MYO1C: variants seen among roughly 807,000 people sequenced by gnomAD.
The protein encoded by MYO1C is unconventional myosin-Ic.
A neutral mutation model predicts 150.8 loss-of-function variants in MYO1C; 104 were observed. The observed-to-expected ratio is 0.69, with a 90% CI of 0.59 to 0.81. The LOEUF (loss-of-function observed/expected upper bound fraction) is 0.81, where lower values mean the gene tolerates loss of function less well. Among genes scored for constraint, MYO1C ranks in the 30% least tolerant of loss-of-function variants. The pLI is 0.00. For synonymous variants in MYO1C, 663 were observed against 579.9 expected, an observed-to-expected ratio of 1.14 and a Z score of -2.06; for missense variants, 1,504 against 1,435.0, an observed-to-expected ratio of 1.05 and a Z score of -0.78.
In MYO1C at chr17:1,470,765, G is replaced by A. The variant is rs569424601; in HGVS notation, c.2213-76C>T. On this transcript the variant is annotated intron_variant, in intron 21 of 31. Transcript: ENST00000648651. Reference sequence around the variant, plus strand: ...GAGCCTGGTGCCGTGTGCGCTCCACGAGTGGCATGAATGGGAGAGTGGCTG... The same window carrying A: ...GAGCCTGGTGCCGTGTGCGCTCCACAAGTGGCATGAATGGGAGAGTGGCTG... 26 of 1,445,302 alleles carry A rather than the reference G, an allele frequency of 1.8e-5. No homozygotes were observed. The East Asian group carries it at 4.5e-4, about 25-fold the overall frequency. The allele number at this position is 1,445,302 out of a possible 1,614,324, so 89.5% of individuals were successfully genotyped here. A position where few individuals can be genotyped will look rare whatever the true frequency, so the allele number is the denominator to read the frequency against.
At chr17:1,489,913 G>C (rs971664069) in intron 1 of MYO1C, among the ~76,000 whole-genome samples, 2 of 151,098 alleles carry the variant, frequency 1.3e-5, no homozygotes, top group Non-Finnish European at 2.9e-5. Flanking sequence ...GGTGGCACAC[G>C]CTTGTAATCC....
intron 14 of MYO1C, 73 bp from the exon 15 acceptor site, chr17:1,475,105 C>G: frequency 4.1e-6 from 6 of 1,471,330 alleles, no homozygotes; most frequent in Non-Finnish European, 5.6e-6. Flanking sequence ...GAAAGGGCCT[C>G]AGGAGCAGGA....
At chr17:1,466,888 A>G (rs1386469779) in intron 31 of MYO1C, among the ~76,000 whole-genome samples, 1 of 152,000 alleles carries the variant, frequency 6.6e-6, no homozygotes, top group Non-Finnish European at 1.5e-5. Context: ...CGGCCTCCCA[A>G]AGTGCTGGGA....
At chr17:1,468,927 G>A (rs1362308061) in intron 25 of MYO1C, 4 of 301,600 alleles carry the variant, frequency 1.3e-5, no homozygotes, top group Admixed American at 4.7e-5. Context: ...ATCACCAATC[G>A]ACCCGAGTGA....
Position 1,491,800 on chromosome 17 carries a change from G to A in MYO1C, c.75+613C>T, listed in dbSNP as rs1052714029. ...GGCCGCGTCCGCGAAGCCTCGGTGCGTGCGGCCCCCGCCTCGGCCCGTTCC... is the reference window on the plus strand; with the variant it reads ...GGCCGCGTCCGCGAAGCCTCGGTGCATGCGGCCCCCGCCTCGGCCCGTTCC... On this transcript the variant is annotated intron_variant, in intron 1 of 31. Coordinates refer to ENST00000648651, the MANE Select transcript of MYO1C (RefSeq NM_001080779.2). The A allele has an allele frequency of 2.0e-3, 704 of 346,818 alleles. 2 individuals are homozygous for A. The highest frequency in any genetic ancestry group is 2.6e-3 in the Non-Finnish European group (649 of 246,810). 21.5% of individuals were successfully genotyped at this position (346,818 alleles called of 1,614,324 possible).
At chr17:1,471,365 C>G (rs368488478) in intron 19 of MYO1C, 29 bp from the exon 20 acceptor site, 8 of 1,595,882 alleles carry the variant, frequency 5.0e-6, no homozygotes, top group African/African-American at 4.0e-5. Context: ...GCGGCTCCCA[C>G]CCCAGTCAGC....
At chr17:1,474,761 G>C (rs983970100) in intron 16 of MYO1C, 51 bp downstream of exon 16, 2 of 1,611,754 alleles carry the variant, frequency 1.2e-6, no homozygotes, top group Admixed American at 1.7e-5. Context: ...CACAGGTGCA[G>C]AGCTGTGGGC....
chr17:1,479,289 G>A lies in MYO1C; in HGVS notation c.1092+142C>T, dbSNP rs1017990327. On this transcript the variant is annotated intron_variant, in intron 9 of 31. Transcript: ENST00000648651. This position sits in a 1 kb window ranked among gnomAD's most constrained non-coding sequence, Gnocchi z 4.2. ...GTTACAGGCGTGAGCCACGGCGCTC[G>A]GCTCTCACTCTGCTTCTCTGAGCAG... 8 of 683,550 alleles carry A rather than the reference G, an allele frequency of 1.2e-5. No homozygotes were observed. In the Admixed American group the frequency reaches 1.5e-4, roughly 13 times the overall value. The allele number at this position is 683,550 out of a possible 1,614,324, so 42.3% of individuals were successfully genotyped here.
At chr17:1,474,883 G>A (rs2074372640) in intron 15 of MYO1C, 25 bp from the exon 16 acceptor site, 4 of 1,613,764 alleles carry the variant, frequency 2.5e-6, no homozygotes, top group Admixed American at 3.3e-5. Context: ...CCGACGTGAG[G>A]TGAGACAGAG....
At chr17:1,472,980 C>G (rs555341995) in intron 17 of MYO1C, among the ~76,000 whole-genome samples, 32 of 152,268 alleles carry the variant, frequency 2.1e-4, no homozygotes, top group Admixed American at 1.7e-3. Context: ...GCGGGCGGAT[C>G]ACCTGAGGTC....
At position 1,492,586 on chromosome 17, in the gene MYO1C, C is replaced by A; in HGVS notation, c.-99G>T. On this transcript the variant is annotated 5_prime_UTR_variant, in exon 1 of 32. Transcript: ENST00000648651. Reference sequence around the variant, plus strand: ...CGACCACTCCGGGACCAGGAACCTACGGTCTAACGCCGGGATGGCCACTTG... The same window carrying A: ...CGACCACTCCGGGACCAGGAACCTAAGGTCTAACGCCGGGATGGCCACTTG... 8.8e-7 allele frequency: 1 copy of A among 1,140,568 alleles called. No individual in the cohort carries two copies. The highest frequency in any genetic ancestry group is 1.3e-6 in the Non-Finnish European group (1 of 777,716). 70.7% of individuals were successfully genotyped at this position (1,140,568 alleles called of 1,614,324 possible). A position where few individuals can be genotyped will look rare whatever the true frequency, so the allele number is the denominator to read the frequency against.
Position 1,470,453 on chromosome 17 carries a change from G to A in MYO1C, c.2348C>T (p.Ala783Val), listed in dbSNP as rs1337855220. The A allele has an allele frequency of 4.5e-6, 7 of 1,550,648 alleles. No individual in the cohort carries two copies. The East Asian group carries it at 9.8e-5, about 22-fold the overall frequency. The change falls in exon 23 of 32, where the codon GCG becomes GTG. Residue 783 changes from alanine (A) to valine (V), a missense_variant. Coordinates refer to ENST00000648651, the MANE Select transcript of MYO1C (RefSeq NM_001080779.2). ...GRRKAAKRKW[A>V]AQTIRRLIRG... Reference sequence around the variant, plus strand: ...CGCTCACCGCCGGATGGTCTGTGCCGCCCACTTCCTCTTGGCTGCCTTCCT... The same window carrying A: ...CGCTCACCGCCGGATGGTCTGTGCCACCCACTTCCTCTTGGCTGCCTTCCT...
At chr17:1,484,011 C>T (rs1598345546) in intron 2 of MYO1C, 137 bp downstream of exon 2, 5 of 1,163,764 alleles carry the variant, frequency 4.3e-6, no homozygotes, top group African/African-American at 3.1e-5. Flanking sequence ...CACTGCACTC[C>T]AGCCTGGGCA....
rs1428172093 is a variant in MYO1C, at chr17:1,478,045, C to T, written c.1401+42G>A. The T allele has an allele frequency of 3.7e-6, 6 of 1,611,988 alleles. No homozygotes were observed. The South Asian group carries it at 5.5e-5, about 15-fold the overall frequency. Reference sequence around the variant, plus strand: ...TCTCCCAGGGGCCCCGATACCCAGGCTCCCCGTGGCCCACGGAGAGTGCCC... The same window carrying T: ...TCTCCCAGGGGCCCCGATACCCAGGTTCCCCGTGGCCCACGGAGAGTGCCC... On this transcript the variant is annotated intron_variant, in intron 12 of 31. Coordinates refer to ENST00000648651, the MANE Select transcript of MYO1C (RefSeq NM_001080779.2). The surrounding 1 kb of genome is among the most constrained non-coding windows in gnomAD (Gnocchi z 6.3).
intron 5 of MYO1C, 124 bp downstream of exon 5, chr17:1,482,352 ATT>A (rs2074540282): frequency 1.1e-6 from 1 of 884,830 alleles, no homozygotes; most frequent in South Asian, 1.4e-5. Flanking sequence ...GGAAGGCAGG[ATT>A]TTTGTTTGCT....
intron 13 of MYO1C, 41 bp from the exon 14 acceptor site, chr17:1,477,637 G>C (rs1409948780): frequency 1.3e-6 from 2 of 1,494,092 alleles, no homozygotes; most frequent in South Asian, 2.3e-5. Flanking sequence ...ATGGGGGACA[G>C]GTCAGAGCGC....
intron 1 of MYO1C, among the ~76,000 whole-genome samples, chr17:1,487,666 C>G (rs141366462): frequency 6.6e-6 from 1 of 152,132 alleles, no homozygotes; most frequent in Non-Finnish European, 1.5e-5. Context: ...GCCTGTAATC[C>G]CAGCGCTTTC....
rs745539574 is a variant in MYO1C at position 1,484,241 on chromosome 17, C to T, written c.138G>A (p.Val46=). 4 of 1,612,640 alleles carry T rather than the reference C, an allele frequency of 2.5e-6. No individual in the cohort carries two copies. The highest frequency in any genetic ancestry group is 1.3e-5 in the African/African-American group (1 of 74,942). The change falls in exon 2 of 32, where the codon GTG becomes GTA. Residue 46 remains valine, a synonymous_variant. Transcript: ENST00000648651. ...CCAGCAGCACGAAATCCTGCACCCC[C>T]ACCCGGTCACGGGCGGTGAGCGCAC... ...MESALTARDR[V]GVQDFVLLEN...
intron 21 of MYO1C, 51 bp from the exon 22 acceptor site, chr17:1,470,740 G>A (rs370360666): frequency 1.3e-6 from 2 of 1,562,914 alleles, no homozygotes; most frequent in Admixed American, 1.7e-5. Flanking sequence ...AGCCAGCTGG[G>A]AGCCTGGTGC....
Sources: allele counts gnomAD v4.1 joint callset (sites outside exome capture counted in the v4.1 genomes callset), GRCh38; gene constraint gnomAD v4.1.1; non-coding constraint Gnocchi (gnomAD v3.1); transcripts MANE v1.5; gene names NCBI Gene and HGNC (gene_info 2026-07-23, HGNC 2026-07-21).